The following NKAIN3 variants were observed in gnomAD, a reference collection of about 807,000 sequenced individuals.
NKAIN3 encodes the protein sodium/potassium-transporting ATPase subunit beta-1-interacting protein 3.
Under a neutral mutation model 30.2 loss-of-function variants are expected in NKAIN3, and 25 were observed. That is an observed-to-expected ratio of 0.83 (90% CI 0.60 to 1.16). The LOEUF (loss-of-function observed/expected upper bound fraction) is 1.16. Ranked by LOEUF, NKAIN3 falls within the 50% of genes most tolerant of loss-of-function variation. NKAIN3 has a pLI of 0.00. For synonymous variants in NKAIN3, 91 were observed against 89.6 expected, an observed-to-expected ratio of 1.02 and a Z score of -0.09; for missense variants, 225 against 254.1, an observed-to-expected ratio of 0.89 and a Z score of 0.78.
chr8:62,714,230 T>G (rs1814817828), intron 3 of NKAIN3, among the ~76,000 whole-genome samples: 2 of 152,040 alleles, frequency 1.3e-5, no homozygotes, highest in Admixed American at 1.3e-4. Context: ...TGTAAATCTT[T>G]AAAGGATGAC....
At chr8:62,751,887 C>G (rs913406755) in intron 4 of NKAIN3, among the ~76,000 whole-genome samples, 3 of 151,890 alleles carry the variant, frequency 2.0e-5, no homozygotes, top group Non-Finnish European at 4.4e-5. Flanking sequence ...CTCACTCCCT[C>G]AGGCTGTACT....
chr8:62,455,786 T>C (rs368802085), intron 1 of NKAIN3, among the ~76,000 whole-genome samples: 2 of 152,322 alleles, frequency 1.3e-5, no homozygotes, highest in East Asian at 3.9e-4. Context: ...ATTGCAAGCT[T>C]GTTAGCCTCA....
intron 3 of NKAIN3, among the ~76,000 whole-genome samples, chr8:62,665,453 C>T (rs890406889): frequency 1.3e-5 from 2 of 152,138 alleles, no homozygotes; most frequent in African/African-American, 4.8e-5. Context: ...AATGTGTTCA[C>T]ACTATCACCT....
At chr8:62,954,341 A>G (rs1823363887) in intron 6 of NKAIN3, among the ~76,000 whole-genome samples, 1 of 152,202 alleles carries the variant, frequency 6.6e-6, no homozygotes, top group African/African-American at 2.4e-5. Context: ...CAGGTCCTCC[A>G]TGTGACATCC....
intron 3 of NKAIN3, among the ~76,000 whole-genome samples, chr8:62,696,140 T>C (rs1309437591): frequency 6.6e-6 from 1 of 152,202 alleles, no homozygotes; most frequent in African/African-American, 2.4e-5. Context: ...CAATCAGATA[T>C]CTAATTTGAT....
At chr8:62,414,140 G>A (rs570910656) in intron 1 of NKAIN3, among the ~76,000 whole-genome samples, 1 of 152,248 alleles carries the variant, frequency 6.6e-6, no homozygotes, top group African/African-American at 2.4e-5. Context: ...TTCAGGATGA[G>A]TAAAGACATT....
intron 3 of NKAIN3, among the ~76,000 whole-genome samples, chr8:62,642,241 A>C (rs1045266110): frequency 1.3e-5 from 2 of 152,164 alleles, no homozygotes; most frequent in East Asian, 1.9e-4. Context: ...AGGTTCCTAC[A>C]TGTCACCATG....
At chr8:62,985,365 T>C (rs778506483), downstream of NKAIN3, among the ~76,000 whole-genome samples, 17 of 152,170 alleles carry the variant, frequency 1.1e-4, no homozygotes, top group Non-Finnish European at 2.2e-4. Flanking sequence ...TTAAAGTAGG[T>C]CTCAGGTACC....
intron 1 of NKAIN3, among the ~76,000 whole-genome samples, chr8:62,517,666 A>G (rs1808036159): frequency 6.6e-6 from 1 of 152,114 alleles, no homozygotes; most frequent in East Asian, 1.9e-4. Flanking sequence ...CACAATGTGT[A>G]TGATCAAGAA....
chr8:62,806,662 C>T (rs933535422), intron 4 of NKAIN3, among the ~76,000 whole-genome samples: 5 of 151,452 alleles, frequency 3.3e-5, no homozygotes, highest in Non-Finnish European at 7.4e-5. Context: ...TGTGGGGTCG[C>T]GGGAGTGGGG....
chr8:62,699,662 T>C (rs1309898892), intron 3 of NKAIN3, among the ~76,000 whole-genome samples: 1 of 152,214 alleles, frequency 6.6e-6, no homozygotes, highest in Non-Finnish European at 1.5e-5. Context: ...GGTGTTGTTA[T>C]AGGAAGATAT....
chr8:62,868,807 T>C (rs374274467), intron 4 of NKAIN3, among the ~76,000 whole-genome samples: 2 of 152,196 alleles, frequency 1.3e-5, no homozygotes, highest in African/African-American at 2.4e-5. Flanking sequence ...CCCTGCCTTA[T>C]GAGAACATCA....
intron 3 of NKAIN3, among the ~76,000 whole-genome samples, chr8:62,715,952 T>C (rs1814888163): frequency 6.6e-6 from 1 of 152,196 alleles, no homozygotes; most frequent in African/African-American, 2.4e-5. Flanking sequence ...TAAAGGCACT[T>C]AGCACAGGGG....
chr8:62,685,290 G>T (rs1813763462), intron 3 of NKAIN3, among the ~76,000 whole-genome samples: 2 of 152,088 alleles, frequency 1.3e-5, no homozygotes, highest in East Asian at 3.9e-4. Flanking sequence ...CTTCTGATTG[G>T]TCTCTATTAT....
In NKAIN3 at chr8:62,819,152, CATAT is replaced by C. The variant is rs71903705; in HGVS notation, c.471+72035_471+72038del. 4.0e-3 allele frequency among the ~76,000 whole-genome samples: 571 copies of C among 144,408 alleles called. 6 individuals are homozygous for C. Among genetic ancestry groups the C allele is most frequent in the African/African-American group, 0.014 (539 of 39,144 alleles). 94.7% of individuals were successfully genotyped at this position (144,408 alleles called of 152,430 possible). Reference sequence around the variant, plus strand: ...TTATCGTTATATATATATATATATACATATATATATATATAATTGTTATTTTTGT... The same window carrying C: ...TTATCGTTATATATATATATATATACATATATATATAATTGTTATTTTTGT... On this transcript the variant is annotated intron_variant, in intron 4 of 6. Coordinates refer to ENST00000623646, the MANE Select transcript of NKAIN3 (RefSeq NM_001304533.3).
At chr8:62,584,777 G>T (rs1810417979) in intron 2 of NKAIN3, among the ~76,000 whole-genome samples, 2 of 152,184 alleles carry the variant, frequency 1.3e-5, no homozygotes, top group Admixed American at 6.5e-5. Flanking sequence ...GCAAGGGAAA[G>T]TATCTCTTCC....
At chr8:62,946,037 C>A (rs1402879113) in intron 5 of NKAIN3, among the ~76,000 whole-genome samples, 1 of 152,228 alleles carries the variant, frequency 6.6e-6, no homozygotes, top group Non-Finnish European at 1.5e-5. Flanking sequence ...CCAGTTGGAA[C>A]TGGCTTAACA....
intron 5 of NKAIN3, among the ~76,000 whole-genome samples, chr8:62,993,484 A>T (rs2130935206): frequency 6.6e-6 from 1 of 152,362 alleles, no homozygotes; most frequent in South Asian, 2.1e-4. Flanking sequence ...CAAAAATAAT[A>T]TGTAAACCTG....
rs566097125 is a variant in NKAIN3 at position 62,395,172 on chromosome 8, T to G, written c.54+146045T>G. On this transcript the variant is annotated intron_variant, in intron 1 of 6. Transcript: ENST00000623646. ...GACGGGACAGAGGCGGTCCTCACTT[T>G]CCAGATGGTGCAGCGGACGGGCAGC... Among the ~76,000 whole-genome samples, 41 of 149,050 alleles carry G rather than the reference T, an allele frequency of 2.8e-4. 1 individual carries two copies. The highest frequency in any genetic ancestry group is 9.2e-4 in the African/African-American group (37 of 40,214).
Sources: gnomAD v4.1 joint callset for allele counts (sites outside exome capture counted in the v4.1 genomes callset) on GRCh38, gnomAD v4.1.1 for gene constraint, MANE v1.5 for transcripts, NCBI Gene and HGNC (gene_info 2026-07-23, HGNC 2026-07-21) for gene names.